The following TRPM3 variants were observed in gnomAD, a reference collection of about 807,000 sequenced individuals.
TRPM3 encodes the protein transient receptor potential cation channel subfamily M member 3, also known as long transient receptor potential channel 3.
A neutral mutation model predicts 181.2 loss-of-function variants in TRPM3; 77 were observed. That is an observed-to-expected ratio of 0.42 (90% CI 0.35 to 0.51). The LOEUF (loss-of-function observed/expected upper bound fraction) is 0.51. Among genes scored for constraint, TRPM3 ranks in the 20% least tolerant of loss-of-function variants. The pLI, the probability that TRPM3 is intolerant of heterozygous loss-of-function variation, is 0.01. For synonymous variants in TRPM3, 745 were observed against 796.4 expected, an observed-to-expected ratio of 0.94 and a Z score of 1.09; for missense variants, 1,759 against 2,196.7, an observed-to-expected ratio of 0.80 and a Z score of 3.98.
At chr9:70,650,222 C>G (rs1274739015) in intron 9 of TRPM3, among the ~76,000 whole-genome samples, 2 of 152,074 alleles carry the variant, frequency 1.3e-5, no homozygotes, top group Non-Finnish European at 2.9e-5. Flanking sequence ...CTCACTGCTA[C>G]CTGGATGATG....
At chr9:70,784,328 A>C in intron 6 of TRPM3, 49 bp from the exon 7 acceptor site, 1 of 1,516,040 alleles carries the variant, frequency 6.6e-7, no homozygotes, top group Non-Finnish European at 8.8e-7. Flanking sequence ...AAGAACACAA[A>C]GCCAGCAAAC....
chr9:71,333,806 G>C (rs1208414197), intron 1 of TRPM3, among the ~76,000 whole-genome samples: 1 of 151,862 alleles, frequency 6.6e-6, no homozygotes, highest in Non-Finnish European at 1.5e-5. Flanking sequence ...ACCTAATACA[G>C]AATGTGAACC....
chr9:71,066,005 A>G (rs2061874284), intron 1 of TRPM3, among the ~76,000 whole-genome samples: 1 of 152,106 alleles, frequency 6.6e-6, no homozygotes, highest in African/African-American at 2.4e-5. Context: ...TGTAGGGGAA[A>G]ACTGCTGTCT....
chr9:70,941,333 G>C (rs1280301483), intron 1 of TRPM3, among the ~76,000 whole-genome samples: 1 of 152,104 alleles, frequency 6.6e-6, no homozygotes, highest in African/African-American at 2.4e-5. Context: ...TGCATATCAG[G>C]CTCCAAGTTC....
At chr9:70,651,155 C>G (rs1294167066) in intron 9 of TRPM3, among the ~76,000 whole-genome samples, 1 of 152,070 alleles carries the variant, frequency 6.6e-6, no homozygotes, top group African/African-American at 2.4e-5. Flanking sequence ...AGCCATAGCA[C>G]TTTAATACTG....
At chr9:71,395,100 A>G (rs954521306) in intron 1 of TRPM3, among the ~76,000 whole-genome samples, 2 of 152,154 alleles carry the variant, frequency 1.3e-5, no homozygotes, top group African/African-American at 2.4e-5. Context: ...TGCTACCAAA[A>G]TGCCAATAGC....
intron 1 of TRPM3, among the ~76,000 whole-genome samples, chr9:71,101,155 C>T (rs556234653): frequency 6.6e-6 from 1 of 152,254 alleles, no homozygotes; most frequent in Admixed American, 6.5e-5. Context: ...CTCATTTACT[C>T]ATTCATTCAG....
intron 1 of TRPM3, among the ~76,000 whole-genome samples, chr9:71,188,998 A>G (rs750915174): frequency 6.6e-5 from 10 of 152,014 alleles, no homozygotes; most frequent in South Asian, 2.1e-4. Flanking sequence ...AGACAGAAAG[A>G]CATTGATTGT....
rs528578967 is a variant in TRPM3, at chr9:70,883,610, G to A, written c.178-19099C>T. ...AGGCCCACATTAATTTCTCCTCCTC[G>A]AAGTGACTTGAGTGATTTTCATAAT... On this transcript the variant is annotated intron_variant, in intron 1 of 25. Coordinates refer to ENST00000677713, the MANE Select transcript of TRPM3 (RefSeq NM_001366145.2). Among the ~76,000 whole-genome samples, 11 of 152,168 alleles carry A rather than the reference G, an allele frequency of 7.2e-5. No individual in the cohort carries two copies. The East Asian group carries it at 7.7e-4, about 11-fold the overall frequency.
chr9:70,839,981 G>T (rs2094541933), intron 5 of TRPM3, among the ~76,000 whole-genome samples: 1 of 152,262 alleles, frequency 6.6e-6, no homozygotes, highest in Non-Finnish European at 1.5e-5. Context: ...TGTGTAAGAA[G>T]CTTACCAGAT....
chr9:71,400,311 C>T (rs1293625584), intron 1 of TRPM3, among the ~76,000 whole-genome samples: 1 of 152,158 alleles, frequency 6.6e-6, no homozygotes, highest in Non-Finnish European at 1.5e-5. Flanking sequence ...GAGTTTTCTA[C>T]ACTTCCAGCA....
At chr9:71,041,197 T>C (rs1451986421) in intron 1 of TRPM3, among the ~76,000 whole-genome samples, 1 of 151,848 alleles carries the variant, frequency 6.6e-6, no homozygotes, top group Non-Finnish European at 1.5e-5. Flanking sequence ...CAGAAGGAAA[T>C]TGGGTGTGCA....
At chr9:71,045,979 A>G (rs552347495) in intron 1 of TRPM3, among the ~76,000 whole-genome samples, 5 of 148,216 alleles carry the variant, frequency 3.4e-5, no homozygotes, top group Non-Finnish European at 7.5e-5. Context: ...AGCCAGTGGT[A>G]TTGCCTACAC....
intron 1 of TRPM3, among the ~76,000 whole-genome samples, chr9:71,403,431 C>G (rs1409547333): frequency 1.3e-5 from 2 of 152,054 alleles, no homozygotes; most frequent in African/African-American, 4.8e-5. Flanking sequence ...GACAGCAAAG[C>G]AAGAAATGCA....
rs773340316 is a variant in TRPM3 at position 70,843,151 on chromosome 9, A to AT, written c.677-25dup. ...ACCTAAAAAAAAAAGAGAAGCATTG[A>AT]TTTTTTCTTTTAAAGCAAATACCTT... On this transcript the variant is annotated intron_variant, in intron 4 of 25. Coordinates refer to ENST00000677713, the MANE Select transcript of TRPM3 (RefSeq NM_001366145.2). 24 of 1,593,792 alleles carry AT rather than the reference A, an allele frequency of 1.5e-5. No homozygotes were observed. The Admixed American group carries it at 2.8e-4, about 18-fold the overall frequency.
At chr9:70,811,415 T>A (rs1453673469) in intron 6 of TRPM3, among the ~76,000 whole-genome samples, 1 of 152,194 alleles carries the variant, frequency 6.6e-6, no homozygotes, top group Non-Finnish European at 1.5e-5. Context: ...AGCTATATCT[T>A]GTCTTATCAC....
chr9:71,121,665 G>A, upstream of TRPM3: 1 of 1,123,522 alleles, frequency 8.9e-7, no homozygotes, highest in Non-Finnish European at 1.1e-6. Context: ...CGCAGGTCAG[G>A]CGTTGGGGGG....
chr9:71,133,711 A>G (rs191484785), intron 1 of TRPM3, among the ~76,000 whole-genome samples: 291 of 152,284 alleles, frequency 1.9e-3, no homozygotes, highest in African/African-American at 6.5e-3. Flanking sequence ...AGTTTTCCAC[A>G]TAGCTTTTAA....
chr9:71,307,328 C>T (rs1308463718), intron 1 of TRPM3, among the ~76,000 whole-genome samples: 1 of 151,816 alleles, frequency 6.6e-6, no homozygotes, highest in African/African-American at 2.4e-5. Flanking sequence ...TTTACCAATC[C>T]TATAATTGCA....
Sources: allele counts gnomAD v4.1 joint callset (sites outside exome capture counted in the v4.1 genomes callset), GRCh38; gene constraint gnomAD v4.1.1; transcripts MANE v1.5; gene names NCBI Gene and HGNC (gene_info 2026-07-23, HGNC 2026-07-21).